The following USP20 variants were observed in gnomAD, a reference collection of about 807,000 sequenced individuals.
USP20 encodes the protein ubiquitin specific peptidase 20.
USP20 carries 80 observed loss-of-function variants against 124.2 expected under a neutral mutation model. The observed-to-expected ratio is 0.64, with a 90% CI of 0.54 to 0.78. The LOEUF (loss-of-function observed/expected upper bound fraction) is 0.78, where lower values mean the gene tolerates loss of function less well. USP20 is among the 30% of genes least tolerant of loss of function. The pLI, the probability that USP20 is intolerant of heterozygous loss-of-function variation, is 0.00. For missense variants in USP20, 1,043 were observed against 1,244.4 expected (o/e 0.84, Z 2.44); for synonymous variants, 481 against 512.3 (o/e 0.94, Z 0.83).
In USP20 at chr9:129,839,300, A is replaced by T. The variant is rs2032056089; in HGVS notation, c.-129+3801A>T. 6.6e-6 allele frequency among the ~76,000 whole-genome samples: 1 copy of T among 152,176 alleles called. No individual in the cohort carries two copies. Among genetic ancestry groups the T allele is most frequent in the African/African-American group, 2.4e-5 (1 of 41,436 alleles). On this transcript the variant is annotated intron_variant, in intron 1 of 25. Transcript: ENST00000372429. This position sits in a 1 kb window ranked among gnomAD's most constrained non-coding sequence, Gnocchi z 4.5. ...GGTTGTGAGGGTCCAGTGAGGTCAC[A>T]TGTGAGAACACCAGACTAAGATGTT...
intron 22 of USP20, 120 bp downstream of exon 22, chr9:129,876,358 G>T (rs2034409257): frequency 1.9e-5 from 15 of 800,834 alleles, no homozygotes; most frequent in Non-Finnish European, 3.0e-5. Context: ...GTCTTTTGAG[G>T]CTGGGCATGG....
chr9:129,878,525 G>A, intron 23 of USP20, 85 bp downstream of exon 23: 9 of 1,276,596 alleles, frequency 7.1e-6, no homozygotes, highest in Non-Finnish European at 9.7e-6. Context: ...TGGCACACAG[G>A]GGCTCCTGCA....
chr9:129,865,376 C>CA lies in USP20; in HGVS notation c.686dup (p.Gln230AlafsTer38), dbSNP rs1360634789. 1 of 1,614,156 alleles carries CA rather than the reference C, an allele frequency of 6.2e-7. No homozygotes were observed. Among genetic ancestry groups the CA allele is most frequent in the East Asian group, 2.2e-5 (1 of 44,880 alleles). ...CAACCCAATGTTCCGAGGCTATGCC[C>CA]AGCAGGTAAGCCATCTGAGCTGCCC... On this transcript the variant is annotated frameshift_variant, in exon 10 of 26. Coordinates refer to ENST00000372429, the MANE Select transcript of USP20 (RefSeq NM_001110303.4). LOFTEE classifies it high-confidence loss of function.
At chr9:129,865,755 C>G (rs2033792126) in intron 10 of USP20, among the ~76,000 whole-genome samples, 1 of 152,168 alleles carries the variant, frequency 6.6e-6, no homozygotes, top group African/African-American at 2.4e-5. Flanking sequence ...CCCTCGACCT[C>G]CCGGGCTCAA....
intron 7 of USP20, among the ~76,000 whole-genome samples, chr9:129,861,296 A>G (rs955355922): frequency 1.3e-5 from 2 of 152,318 alleles, no homozygotes; most frequent in South Asian, 2.1e-4. Flanking sequence ...TGGTCTGGAC[A>G]GTGGGCCTGG....
chr9:129,878,976 TCACGGGACC>T (rs2034524955), intron 23 of USP20, among the ~76,000 whole-genome samples: 1 of 152,240 alleles, frequency 6.6e-6, no homozygotes, highest in African/African-American at 2.4e-5. Context: ...ACGGTTCTGC[TCACGGGACC>T]CTTGGTGTGG....
intron 19 of USP20, 151 bp downstream of exon 19, chr9:129,875,106 G>A (rs577529887): frequency 7.2e-7 from 1 of 1,390,864 alleles, no homozygotes; most frequent in Non-Finnish European, 9.5e-7. Flanking sequence ...TGGCTGCTGT[G>A]GGGAACCCAG....
At chr9:129,844,155 C>T (rs966496134) in intron 1 of USP20, among the ~76,000 whole-genome samples, 4 of 151,992 alleles carry the variant, frequency 2.6e-5, no homozygotes, top group African/African-American at 7.2e-5. Context: ...ACAAAAATAC[C>T]ACGTCCTATG....
At chr9:129,846,176 G>T (rs539429576) in intron 1 of USP20, among the ~76,000 whole-genome samples, 2 of 142,868 alleles carry the variant, frequency 1.4e-5, no homozygotes, top group Non-Finnish European at 3.0e-5. Flanking sequence ...TGGTCCTCCC[G>T]CCTCGGCCTC....
At chr9:129,837,607 G>T (rs1309759390) in intron 1 of USP20, among the ~76,000 whole-genome samples, 1 of 152,234 alleles carries the variant, frequency 6.6e-6, no homozygotes, top group Non-Finnish European at 1.5e-5. Flanking sequence ...TCCCTGATTA[G>T]TTGAGTGTAT....
chr9:129,859,148 G>A (rs4240442), intron 6 of USP20, among the ~76,000 whole-genome samples: 132,337 of 150,918 alleles, frequency 0.88, 58,443 homozygotes, highest in East Asian at 1. Flanking sequence ...TGGAGGGCCC[G>A]GCCCCAGGTG....
At chr9:129,852,886 C>T (rs751727947) in intron 3 of USP20, among the ~76,000 whole-genome samples, 19 of 152,212 alleles carry the variant, frequency 1.2e-4, no homozygotes, top group East Asian at 5.8e-4. Context: ...GCTGTTGGGG[C>T]GGTGCACAGA....
At chr9:129,854,846 C>T (rs1046539728) in intron 3 of USP20, among the ~76,000 whole-genome samples, 2 of 152,182 alleles carry the variant, frequency 1.3e-5, no homozygotes, top group Admixed American at 6.5e-5. Flanking sequence ...TGCTTCACTT[C>T]AACCCCATGT....
chr9:129,842,793 C>T (rs1393482339), intron 1 of USP20, among the ~76,000 whole-genome samples: 1 of 151,910 alleles, frequency 6.6e-6, no homozygotes, highest in African/African-American at 2.4e-5. Flanking sequence ...TGGGATTTCA[C>T]CATGTTGGTC....
intron 1 of USP20, 184 bp downstream of exon 1, chr9:129,835,683 A>T (rs1187032438): frequency 6.5e-6 from 1 of 154,234 alleles, no homozygotes; most frequent in African/African-American, 2.4e-5. Flanking sequence ...GTCGGCGCCC[A>T]GGGGGGCCTC....
intron 8 of USP20, among the ~76,000 whole-genome samples, chr9:129,862,928 A>AATAAT (rs33925209): frequency 0.017 from 2,481 of 147,032 alleles, 30 homozygotes; most frequent in Non-Finnish European, 0.022. Context: ...ATAATAATAA[A>AATAAT]AAAATAAGGT....
Position 129,852,580 on chromosome 9 carries a change from C to T in USP20, c.25C>T (p.Pro9Ser). 2.5e-6 allele frequency: 4 copies of T among 1,599,750 alleles called. No individual in the cohort carries two copies. Among genetic ancestry groups the T allele is most frequent in the Non-Finnish European group, 3.4e-6 (4 of 1,172,584 alleles). ...GATGGGGGACTCCAGGGACCTTTGC[C>T]CTCACCTTGACTCCATAGGAGAGGT... Reference protein sequence around the residue: MGDSRDLCPHLDSIGEVTK... With the variant: MGDSRDLCSHLDSIGEVTK... The change falls in exon 3 of 26, where the codon CCT (proline) becomes TCT (serine). Residue 9 changes from proline (P) to serine (S), a missense_variant. Pro to Ser is a moderately conservative substitution (Grantham distance 74). Transcript: ENST00000372429.
At chr9:129,846,053 T>G (rs1304721547) in intron 1 of USP20, among the ~76,000 whole-genome samples, 1 of 151,414 alleles carries the variant, frequency 6.6e-6, no homozygotes, top group Admixed American at 6.6e-5. Flanking sequence ...GCCTCCCGAG[T>G]AGCTGGGACT....
In USP20 at chr9:129,879,786, G is replaced by A. The variant is rs1192206914; in HGVS notation, c.2584+142G>A. The A allele has an allele frequency of 6.1e-6, 6 of 982,536 alleles. No homozygotes were observed. Among genetic ancestry groups the A allele is most frequent in the African/African-American group, 3.3e-5 (2 of 61,086 alleles). 60.9% of individuals were successfully genotyped at this position (982,536 alleles called of 1,614,324 possible). A position where few individuals can be genotyped will look rare whatever the true frequency, so the allele number is the denominator to read the frequency against. On this transcript the variant is annotated intron_variant, in intron 24 of 25. Coordinates refer to ENST00000372429, the MANE Select transcript of USP20 (RefSeq NM_001110303.4). The surrounding 1 kb of genome is among the most constrained non-coding windows in gnomAD (Gnocchi z 4.2). ...CGTCCACCTGAGTCCAGACCCAGGC[G>A]GCTGAGAGATGGCCCAAGGGGCTTG... is the stretch of plus-strand genomic sequence containing the variant.
Sources: allele counts gnomAD v4.1 joint callset (sites outside exome capture counted in the v4.1 genomes callset), GRCh38; gene constraint gnomAD v4.1.1; non-coding constraint Gnocchi (gnomAD v3.1); transcripts MANE v1.5; gene names NCBI Gene and HGNC (gene_info 2026-07-23, HGNC 2026-07-21).